The following STK39 variants were observed in gnomAD, a reference collection of about 807,000 sequenced individuals.
STK39 encodes serine/threonine kinase 39.
Under a neutral mutation model 77.8 loss-of-function variants are expected in STK39, and 20 were observed. The ratio of observed to expected loss-of-function variants is 0.26; its 90% CI spans 0.18 to 0.37. The LOEUF (loss-of-function observed/expected upper bound fraction) is 0.37, where lower values mean the gene tolerates loss of function less well. STK39 is among the 10% of genes least tolerant of loss of function. STK39 has a pLI of 1.00. For missense variants in STK39, 479 were observed against 656.5 expected, an observed-to-expected ratio of 0.73 and a Z score of 2.95; for synonymous variants, 246 against 234.1, an observed-to-expected ratio of 1.05 and a Z score of -0.47.
At chr2:168,082,737 T>C (rs1173320597) in intron 10 of STK39, among the ~76,000 whole-genome samples, 1 of 152,226 alleles carries the variant, frequency 6.6e-6, no homozygotes, top group Non-Finnish European at 1.5e-5. Context: ...TCATCTAAAT[T>C]GAAATCCTTG....
chr2:167,975,197 T>C (rs960491394), intron 16 of STK39, among the ~76,000 whole-genome samples: 1 of 152,140 alleles, frequency 6.6e-6, no homozygotes, highest in African/African-American at 2.4e-5. Flanking sequence ...AAAGACAAAA[T>C]GCAAATAAAT....
At chr2:168,174,607 G>A (rs998897303) in intron 2 of STK39, among the ~76,000 whole-genome samples, 1 of 151,954 alleles carries the variant, frequency 6.6e-6, no homozygotes, top group Non-Finnish European at 1.5e-5. Flanking sequence ...GTGCCACAGT[G>A]GAATCAGACT....
At chr2:168,081,950 T>C (rs142001383) in intron 10 of STK39, among the ~76,000 whole-genome samples, 179 of 152,326 alleles carry the variant, frequency 1.2e-3, no homozygotes, top group African/African-American at 4.2e-3. Flanking sequence ...CATGGAACTA[T>C]AAGCCCATTA....
At position 167,981,445 on chromosome 2, in the gene STK39, G is replaced by T. The variant is rs188838125; in HGVS notation, c.1499-16719C>A. On this transcript the variant is annotated intron_variant, in intron 16 of 17. Transcript: ENST00000355999. ...GGTTTGGATCAAGTATAAGAAAACT[G>T]GCTGAGTATTTTATATAGTTTCTCT... Among the ~76,000 whole-genome samples the T allele has an allele frequency of 2.5e-3, 388 of 152,270 alleles. 1 individual carries two copies. Among genetic ancestry groups the T allele is most frequent in the Middle Eastern group, 0.02 (6 of 294 alleles).
In STK39 at chr2:168,062,916, A is replaced by G. The variant is rs538411435; in HGVS notation, c.1376+584T>C. 2.4e-4 allele frequency among the ~76,000 whole-genome samples: 37 copies of G among 152,326 alleles called. 1 individual carries two copies. The South Asian group carries it at 7.5e-3, about 31-fold the overall frequency. ...GAACATCACAAAGATGAACCTTTAA[A>G]TAATTAAAAAAAAAATCCTTAAAAC... On this transcript the variant is annotated intron_variant, in intron 14 of 17. Coordinates refer to ENST00000355999, the MANE Select transcript of STK39 (RefSeq NM_013233.3).
intron 15 of STK39, among the ~76,000 whole-genome samples, chr2:168,015,537 G>A (rs942923891): frequency 2.6e-5 from 4 of 152,182 alleles, no homozygotes; most frequent in Non-Finnish European, 4.4e-5. Flanking sequence ...ATCTAAATGC[G>A]GCAAAAGCGG....
intron 16 of STK39, among the ~76,000 whole-genome samples, chr2:167,971,142 C>A (rs140826332): frequency 4.6e-5 from 7 of 151,286 alleles, no homozygotes; most frequent in Non-Finnish European, 8.9e-5. Context: ...TCTCTCGGAG[C>A]GGCTGGAGAT....
At chr2:168,146,474 G>C (rs1361531085) in intron 5 of STK39, among the ~76,000 whole-genome samples, 4 of 152,230 alleles carry the variant, frequency 2.6e-5, no homozygotes, top group African/African-American at 9.6e-5. Context: ...AGTTAAAAGA[G>C]ACACTGATGC....
chr2:168,197,335 T>C (rs1320357695), intron 1 of STK39, among the ~76,000 whole-genome samples: 44 of 152,364 alleles, frequency 2.9e-4, no homozygotes, highest in Non-Finnish European at 1.5e-5. Flanking sequence ...CATTTTATAA[T>C]GAACGGCCTT....
intron 1 of STK39, among the ~76,000 whole-genome samples, chr2:168,227,199 T>C (rs185244031): frequency 3.9e-5 from 6 of 152,308 alleles, no homozygotes; most frequent in African/African-American, 1.4e-4. Flanking sequence ...TGTAGATGTA[T>C]ACATAGAAAA....
intron 14 of STK39, among the ~76,000 whole-genome samples, chr2:168,054,399 G>A (rs1685471563): frequency 6.6e-6 from 1 of 152,218 alleles, no homozygotes; most frequent in South Asian, 2.1e-4. Context: ...ATGCTATGGT[G>A]GTTTTATGAT....
At position 168,223,668 on chromosome 2, in the gene STK39, G is replaced by A. The variant is rs542959377; in HGVS notation, c.208+23560C>T. ...CAAGACTAGGTTCAGATCCAGCTGCGTGACCTTCAACTGACTGTGATCATC... is the reference window on the plus strand; with the variant it reads ...CAAGACTAGGTTCAGATCCAGCTGCATGACCTTCAACTGACTGTGATCATC... On this transcript the variant is annotated intron_variant, in intron 1 of 17. Coordinates refer to ENST00000355999, the MANE Select transcript of STK39 (RefSeq NM_013233.3). Among the ~76,000 whole-genome samples, 7 of 152,196 alleles carry A rather than the reference G, an allele frequency of 4.6e-5. 1 individual carries two copies. The highest frequency in any genetic ancestry group is 2.1e-4 in the South Asian group (1 of 4,824).
intron 14 of STK39, among the ~76,000 whole-genome samples, chr2:168,046,557 G>C (rs1685247338): frequency 1.3e-5 from 2 of 151,982 alleles, no homozygotes; most frequent in African/African-American, 2.4e-5. Context: ...AAGTGGAGGT[G>C]AGTCACTTGC....
chr2:168,213,837 A>G (rs1196534198), intron 1 of STK39, among the ~76,000 whole-genome samples: 5 of 152,282 alleles, frequency 3.3e-5, no homozygotes, highest in African/African-American at 9.6e-5. Context: ...ATATGACTTT[A>G]GAATTTTCTT....
At chr2:168,028,435 T>G (rs1559063978) in intron 14 of STK39, among the ~76,000 whole-genome samples, 1 of 152,230 alleles carries the variant, frequency 6.6e-6, no homozygotes, top group Non-Finnish European at 1.5e-5. Flanking sequence ...ATGTCACATG[T>G]AGCAAGCAGT....
In STK39 at chr2:168,124,118, G is replaced by A. The variant is rs778545539; in HGVS notation, c.1089+5423C>T. Among the ~76,000 whole-genome samples, 72 of 152,232 alleles carry A rather than the reference G, an allele frequency of 4.7e-4. 1 individual carries two copies. Among genetic ancestry groups the A allele is most frequent in the South Asian group, 2.1e-4 (1 of 4,814 alleles). On this transcript the variant is annotated intron_variant, in intron 10 of 17. Transcript: ENST00000355999. Reference sequence around the variant, plus strand: ...AGCGGTTCCATCCAAAGACAGCAGCGATGTGATACCCTTTACCTCCTTCTG... The same window carrying A: ...AGCGGTTCCATCCAAAGACAGCAGCAATGTGATACCCTTTACCTCCTTCTG...
intron 1 of STK39, among the ~76,000 whole-genome samples, chr2:168,225,325 G>A (rs1488440911): frequency 9.9e-6 from 1 of 101,326 alleles, no homozygotes; most frequent in Non-Finnish European, 2.5e-5. Context: ...AAATTTGGGA[G>A]GATCAGATTC....
intron 1 of STK39, among the ~76,000 whole-genome samples, chr2:168,198,933 T>G (rs947165186): frequency 1.3e-5 from 2 of 152,220 alleles, no homozygotes; most frequent in Non-Finnish European, 2.9e-5. Context: ...ATTCTAAAGG[T>G]GTCTTTCATT....
At chr2:168,023,931 C>G (rs1479210310) in intron 14 of STK39, among the ~76,000 whole-genome samples, 1 of 152,178 alleles carries the variant, frequency 6.6e-6, no homozygotes, top group Non-Finnish European at 1.5e-5. Flanking sequence ...CAGCCCTCTT[C>G]TTCCTTACTT....
Sources: allele counts gnomAD v4.1 joint callset (sites outside exome capture counted in the v4.1 genomes callset), GRCh38; gene constraint gnomAD v4.1.1; transcripts MANE v1.5; gene names NCBI Gene and HGNC (gene_info 2026-07-23, HGNC 2026-07-21).